The following ASTN2 variants were observed in gnomAD, a reference collection of about 807,000 sequenced individuals.
ASTN2 encodes the protein astrotactin 2.
ASTN2 carries 54 observed loss-of-function variants against 139.8 expected under a neutral mutation model. The ratio of observed to expected loss-of-function variants is 0.39; its 90% confidence interval spans 0.31 to 0.48. ASTN2 has a LOEUF of 0.48. Ranked by LOEUF, ASTN2 falls within the 20% of genes least tolerant of loss-of-function variation. ASTN2 has a pLI of 0.95. For synonymous variants in ASTN2, 756 were observed against 719.5 expected, an observed-to-expected ratio of 1.05 and a Z score of -0.81; for missense variants, 1,565 against 1,725.1, an observed-to-expected ratio of 0.91 and a Z score of 1.64.
intron 5 of ASTN2, among the ~76,000 whole-genome samples, chr9:117,048,197 T>C (rs1221190309): frequency 6.6e-6 from 1 of 152,204 alleles, no homozygotes; most frequent in East Asian, 1.9e-4. Flanking sequence ...TATCCGACTT[T>C]AGCTTGCCCT....
chr9:116,632,190 G>GAGAGAAAGAA (rs1856802732), intron 17 of ASTN2, among the ~76,000 whole-genome samples: 1 of 12,458 alleles, frequency 8.0e-5, no homozygotes, highest in Non-Finnish European at 1.6e-4. Context: ...GAGAGGGAGA[G>GAGAGAAAGAA]AGAGAGAAAG....
intron 4 of ASTN2, among the ~76,000 whole-genome samples, chr9:117,106,396 C>T (rs746676554): frequency 2.4e-4 from 37 of 151,830 alleles, no homozygotes; most frequent in Admixed American, 1.8e-3. Flanking sequence ...GGGATTTTGC[C>T]GTGTTGGCCA....
intron 7 of ASTN2, among the ~76,000 whole-genome samples, chr9:116,994,161 G>A (rs1433372531): frequency 6.6e-6 from 1 of 152,002 alleles, no homozygotes; most frequent in African/African-American, 2.4e-5. Context: ...TCTGTAAAGA[G>A]CCAAATGACA....
chr9:116,866,888 G>A (rs547010697), intron 10 of ASTN2, among the ~76,000 whole-genome samples: 9 of 64,346 alleles, frequency 1.4e-4, no homozygotes, highest in South Asian at 1.3e-3. Flanking sequence ...GCGAGACTCC[G>A]TCTCAAAAAA....
intron 1 of ASTN2, among the ~76,000 whole-genome samples, chr9:117,318,317 C>T (rs1235601545): frequency 6.6e-6 from 1 of 152,104 alleles, no homozygotes; most frequent in Non-Finnish European, 1.5e-5. Context: ...TAAAAACTTG[C>T]CTGGCAGAAA....
chr9:116,939,527 A>G (rs925976152), intron 10 of ASTN2, among the ~76,000 whole-genome samples: 3 of 152,160 alleles, frequency 2.0e-5, no homozygotes, highest in African/African-American at 7.2e-5. Context: ...GGCTCATCAC[A>G]CATTTGATTC....
intron 17 of ASTN2, 101 bp from the exon 18 acceptor site, chr9:116,620,544 A>C: frequency 6.9e-7 from 1 of 1,451,722 alleles, no homozygotes; most frequent in Non-Finnish European, 9.5e-7. Context: ...AGGGCTTTAG[A>C]GTAGCCCCTT....
intron 19 of ASTN2, among the ~76,000 whole-genome samples, chr9:116,559,213 G>A (rs961560856): frequency 2.6e-5 from 4 of 152,106 alleles, no homozygotes; most frequent in Non-Finnish European, 5.9e-5. Flanking sequence ...CTCCACTCTG[G>A]GGCATTTGTT....
intron 1 of ASTN2, among the ~76,000 whole-genome samples, chr9:117,315,834 A>G (rs1290653871): frequency 6.6e-6 from 1 of 152,204 alleles, no homozygotes; most frequent in Non-Finnish European, 1.5e-5. Flanking sequence ...GAAATCCAAT[A>G]TTAAGTATTT....
At chr9:116,711,720 A>G (rs1344401840) in intron 16 of ASTN2, among the ~76,000 whole-genome samples, 1 of 152,028 alleles carries the variant, frequency 6.6e-6, no homozygotes, top group African/African-American at 2.4e-5. Context: ...ATGTCTAATC[A>G]TTTTCCTCAC....
At chr9:117,105,735 G>C (rs537966472) in intron 4 of ASTN2, among the ~76,000 whole-genome samples, 1 of 152,164 alleles carries the variant, frequency 6.6e-6, no homozygotes, top group Non-Finnish European at 1.5e-5. Context: ...AAGATGAGCT[G>C]GTGTGGTGTC....
At chr9:116,842,443 T>C (rs1246399348) in intron 11 of ASTN2, among the ~76,000 whole-genome samples, 1 of 152,048 alleles carries the variant, frequency 6.6e-6, no homozygotes, top group African/African-American at 2.4e-5. Flanking sequence ...ATATGAACCA[T>C]CCCTTTGATA....
chr9:117,315,043 G>A (rs1210653439), intron 1 of ASTN2, among the ~76,000 whole-genome samples: 2 of 149,392 alleles, frequency 1.3e-5, no homozygotes, highest in South Asian at 2.1e-4. Context: ...ATTCCTTCAA[G>A]GCATATTCAT....
rs117988064 is a variant in ASTN2 at position 117,050,501 on chromosome 9, A to G, written c.1277-10536T>C. On this transcript the variant is annotated intron_variant, in intron 5 of 22. Coordinates refer to ENST00000313400, the MANE Select transcript of ASTN2 (RefSeq NM_001365068.1). ...CCAGCTTCCATGACAATGTTCCTTT[A>G]CCTACAGAACTTCCTTTATCCCAAA... Among the ~76,000 whole-genome samples, 569 of 152,074 alleles carry G rather than the reference A, an allele frequency of 3.7e-3. 1 individual carries two copies. Among genetic ancestry groups the G allele is most frequent in the Non-Finnish European group, 5.5e-3 (375 of 67,978 alleles).
intron 1 of ASTN2, among the ~76,000 whole-genome samples, chr9:117,400,964 C>G (rs1195879015): frequency 1.3e-5 from 2 of 152,108 alleles, no homozygotes; most frequent in East Asian, 1.9e-4. Context: ...CCTAAGCTCT[C>G]TCCAGCTGCA....
chr9:117,214,692 C>G lies in ASTN2; in HGVS notation c.681G>C (p.Leu227=). ...LLLLLVFTVA[L]YAQRRWQKRR... ...GCTTCTGCCAACGTCGCTGGGCGTA[C>G]AGCGCCACGGTGAACACCAGCAGCA... is the stretch of plus-strand genomic sequence containing the variant. Residue 227 remains leucine, a synonymous_variant, in exon 3 of 23, where the codon CTG becomes CTC. Coordinates refer to ENST00000313400, the MANE Select transcript of ASTN2 (RefSeq NM_001365068.1). The G allele has an allele frequency of 1.3e-6, 2 of 1,538,292 alleles. No homozygotes were observed. Among genetic ancestry groups the G allele is most frequent in the East Asian group, 2.3e-5 (1 of 43,962 alleles).
At chr9:117,368,059 C>G (rs532232701) in intron 1 of ASTN2, among the ~76,000 whole-genome samples, 1 of 152,020 alleles carries the variant, frequency 6.6e-6, no homozygotes. Context: ...GAAAAGTGAG[C>G]TTGAATAGAA....
At chr9:116,618,214 T>G (rs1400770805) in intron 19 of ASTN2, 110 bp downstream of exon 19, 1 of 1,185,852 alleles carries the variant, frequency 8.4e-7, no homozygotes, top group Admixed American at 2.6e-5. Flanking sequence ...CAATGAAATC[T>G]TCCAATGCCT....
intron 10 of ASTN2, among the ~76,000 whole-genome samples, chr9:116,925,748 TA>T (rs2132443036): frequency 1.3e-5 from 2 of 152,150 alleles, no homozygotes; most frequent in Admixed American, 6.5e-5. Flanking sequence ...ATTAATAATT[TA>T]AAAAATTATT....
Sources: allele counts gnomAD v4.1 joint callset (sites outside exome capture counted in the v4.1 genomes callset), GRCh38; gene constraint gnomAD v4.1.1; transcripts MANE v1.5; gene names NCBI Gene and HGNC (gene_info 2026-07-23, HGNC 2026-07-21).